Variants in CDKL1 observed in about 807,000 individuals in gnomAD.
CDKL1 encodes cyclin dependent kinase like 1.
Under a neutral mutation model 42.0 loss-of-function variants are expected in CDKL1, and 41 were observed. That is an observed-to-expected ratio of 0.98 (90% CI 0.76 to 1.27). The LOEUF is 1.27. CDKL1 is among the 50% of genes most tolerant of loss of function. CDKL1 has a pLI of 0.00. For missense variants in CDKL1, 394 were observed against 428.4 expected (o/e 0.92, Z 0.71); for synonymous variants, 153 against 158.6 (o/e 0.96, Z 0.26).
chr14:50,347,638 G>T (rs1316984398), intron 3 of CDKL1, among the ~76,000 whole-genome samples: 1 of 152,164 alleles, frequency 6.6e-6, no homozygotes, highest in Non-Finnish European at 1.5e-5. Flanking sequence ...CTGGTTTGGG[G>T]GAAGGGAATG....
intron 2 of CDKL1, among the ~76,000 whole-genome samples, chr14:50,392,607 T>C (rs2035291763): frequency 6.6e-6 from 1 of 151,970 alleles, no homozygotes; most frequent in African/African-American, 2.4e-5. Flanking sequence ...AGCTTCCACC[T>C]TTAGTACCTG....
intron 2 of CDKL1, chr14:50,380,092 C>G (rs1211551764): frequency 2.0e-6 from 1 of 506,908 alleles, no homozygotes; most frequent in Non-Finnish European, 4.1e-6. Context: ...GCTTAACAGT[C>G]AGCTAAGCAT....
chr14:50,392,671 G>T (rs932882784), intron 2 of CDKL1, among the ~76,000 whole-genome samples: 1 of 151,720 alleles, frequency 6.6e-6, no homozygotes. Flanking sequence ...AAATACCATC[G>T]ATATGCTTAT....
chr14:50,383,529 A>C (rs1231281777), intron 2 of CDKL1, among the ~76,000 whole-genome samples: 1 of 145,612 alleles, frequency 6.9e-6, no homozygotes, highest in African/African-American at 2.6e-5. Context: ...CTCCAGCCTG[A>C]GCAACACAGT....
rs1452065535 is a variant in CDKL1, at chr14:50,328,475, A to G, written c.*1599T>C. 1 of 152,240 alleles carries G rather than the reference A, an allele frequency of 6.6e-6. No individual in the cohort carries two copies. Among genetic ancestry groups the G allele is most frequent in the Non-Finnish European group, 1.5e-5 (1 of 68,054 alleles). The allele number at this position is 152,240 out of a possible 1,614,324, so 9.4% of individuals were successfully genotyped here. ...GTCAGATGTCATCATGAAGAAAATT[A>G]ACAGGAAGAAAATGAGAGTACAGAA... On this transcript the variant is annotated 3_prime_UTR_variant, in exon 10 of 10. Coordinates refer to ENST00000395834, the MANE Select transcript of CDKL1 (RefSeq NM_004196.7).
chr14:50,350,903 T>TC (rs1397095160), intron 3 of CDKL1, among the ~76,000 whole-genome samples: 1 of 152,048 alleles, frequency 6.6e-6, no homozygotes, highest in African/African-American at 2.4e-5. Context: ...AGGCACTCCT[T>TC]CTGGGGAGGG....
intron 7 of CDKL1, chr14:50,336,204 A>G (rs200939456): frequency 2.0e-4 from 275 of 1,347,814 alleles, no homozygotes; most frequent in Non-Finnish European, 2.6e-4. Context: ...TGTCAGGGTT[A>G]CTGACAGGCA....
rs779046290 is a variant in CDKL1, at chr14:50,344,468, G to GGTTT, written c.363+517_363+518insAAAC. On this transcript the variant is annotated intron_variant, in intron 4 of 9. Coordinates refer to ENST00000395834, the MANE Select transcript of CDKL1 (RefSeq NM_004196.7). The stretch of plus-strand genomic sequence containing the variant: ...TATGACTAATTTTTTGTTCTTTGTG[G>GGTTT]TTTTTTTTTTTTTTTTTTTGAGACA... Among the ~76,000 whole-genome samples, 3 of 130,880 alleles carry GGTTT rather than the reference G, an allele frequency of 2.3e-5. 1 individual carries two copies. Among genetic ancestry groups the GGTTT allele is most frequent in the Non-Finnish European group, 3.2e-5 (2 of 62,660 alleles). The allele number at this position is 130,880 out of a possible 152,430, so 85.9% of individuals were successfully genotyped here.
chr14:50,379,178 T>C (rs890807089), intron 2 of CDKL1, among the ~76,000 whole-genome samples: 4 of 152,194 alleles, frequency 2.6e-5, no homozygotes, highest in African/African-American at 9.6e-5. Context: ...GCTGCTGGCA[T>C]AGCTCTTTGA....
In CDKL1 at chr14:50,395,699, A is replaced by T. The variant is rs1313678858; in HGVS notation, c.168+2T>A. Reference sequence around the variant, plus strand: ...AAAAAAAAGGAAAAGTGAATCAATTACCTTGAGCATTCGGATTTCCCGAAG... The same window carrying T: ...AAAAAAAAGGAAAAGTGAATCAATTTCCTTGAGCATTCGGATTTCCCGAAG... On this transcript the variant is annotated splice_donor_variant, in intron 2 of 9. Coordinates refer to ENST00000395834, the MANE Select transcript of CDKL1 (RefSeq NM_004196.7). LOFTEE classifies it high-confidence loss of function. 2 of 1,598,034 alleles carry T rather than the reference A, an allele frequency of 1.3e-6. No individual in the cohort carries two copies. Among genetic ancestry groups the T allele is most frequent in the East Asian group, 4.5e-5 (2 of 44,764 alleles).
intron 2 of CDKL1, among the ~76,000 whole-genome samples, chr14:50,395,356 A>G (rs1464093745): frequency 1.3e-5 from 2 of 152,240 alleles, no homozygotes; most frequent in African/African-American, 4.8e-5. Context: ...TCTGCTTTCT[A>G]GTTCATTATA....
chr14:50,363,479 T>C (rs1029687829), intron 2 of CDKL1, among the ~76,000 whole-genome samples: 1 of 152,240 alleles, frequency 6.6e-6, no homozygotes, highest in African/African-American at 2.4e-5. Context: ...GGCTAAATAC[T>C]AACTTTATGA....
intron 2 of CDKL1, among the ~76,000 whole-genome samples, chr14:50,368,162 G>A (rs926782263): frequency 4.6e-5 from 7 of 152,032 alleles, no homozygotes; most frequent in African/African-American, 1.7e-4. Flanking sequence ...GTTTCGCTAC[G>A]TTGCCCTGTC....
Position 50,358,164 on chromosome 14 carries a change from A to G in CDKL1, c.290+864T>C, listed in dbSNP as rs58283158. 1,851 of 1,312,858 alleles carry G rather than the reference A, an allele frequency of 1.4e-3. 22 individuals are homozygous for G. The African/African-American group carries it at 0.025, about 17-fold the overall frequency. 81.3% of individuals were successfully genotyped at this position (1,312,858 alleles called of 1,614,324 possible). ...CATATGCTAGAGAGAGCTGTGTGGTAAGATCAGCGGAGCCCCCGGAGTCAC... is the reference window on the plus strand; with the variant it reads ...CATATGCTAGAGAGAGCTGTGTGGTGAGATCAGCGGAGCCCCCGGAGTCAC... On this transcript the variant is annotated intron_variant, in intron 3 of 9. Coordinates refer to ENST00000395834, the MANE Select transcript of CDKL1 (RefSeq NM_004196.7).
At chr14:50,385,605 A>G (rs1481836984) in intron 2 of CDKL1, among the ~76,000 whole-genome samples, 1 of 152,120 alleles carries the variant, frequency 6.6e-6, no homozygotes, top group Admixed American at 6.6e-5. Flanking sequence ...GGAGTTAAAG[A>G]CCAGCCCGGC....
At chr14:50,361,804 A>C (rs2034256448) in intron 2 of CDKL1, among the ~76,000 whole-genome samples, 1 of 152,250 alleles carries the variant, frequency 6.6e-6, no homozygotes, top group Non-Finnish European at 1.5e-5. Flanking sequence ...CAGCCCTGGC[A>C]GTCCTCGCTC....
intron 2 of CDKL1, chr14:50,362,215 G>A (rs1473284763): frequency 3.2e-5 from 8 of 249,212 alleles, no homozygotes; most frequent in Admixed American, 2.5e-4. Context: ...GAGCCTCCAC[G>A]ATCAGAACCG....
At chr14:50,354,949 T>A (rs1028936968) in intron 3 of CDKL1, among the ~76,000 whole-genome samples, 5 of 152,066 alleles carry the variant, frequency 3.3e-5, no homozygotes, top group African/African-American at 9.7e-5. Context: ...ATGAAAAATA[T>A]CAATAACAAT....
intron 2 of CDKL1, among the ~76,000 whole-genome samples, chr14:50,364,287 T>C (rs2034376368): frequency 6.6e-6 from 1 of 152,082 alleles, no homozygotes; most frequent in Admixed American, 6.6e-5. Context: ...TGGGCAACAT[T>C]GTGAAACTCT....
Sources: gnomAD v4.1 joint callset for allele counts (sites outside exome capture counted in the v4.1 genomes callset) on GRCh38, gnomAD v4.1.1 for gene constraint, MANE v1.5 for transcripts, NCBI Gene and HGNC (gene_info 2026-07-23, HGNC 2026-07-21) for gene names.